TMEM117: variants seen among roughly 807,000 people sequenced by gnomAD.
TMEM117 encodes transmembrane protein 117.
Under a neutral mutation model 52.4 loss-of-function variants are expected in TMEM117, and 27 were observed. That is an observed-to-expected ratio of 0.51 (90% CI 0.38 to 0.71). The LOEUF is 0.71. Among genes scored for constraint, TMEM117 ranks in the 30% least tolerant of loss-of-function variants. TMEM117 has a pLI of 0.00. For synonymous variants in TMEM117, 215 were observed against 206.3 expected (o/e 1.04, Z -0.36); for missense variants, 556 against 630.5 (o/e 0.88, Z 1.26).
At chr12:43,869,589 T>C (rs570201825) in intron 2 of TMEM117, among the ~76,000 whole-genome samples, 1 of 152,354 alleles carries the variant, frequency 6.6e-6, no homozygotes, top group South Asian at 2.1e-4. Flanking sequence ...TGGCTTACTC[T>C]CATTTTCTCC....
At chr12:43,944,754 G>A (rs1461899309) in intron 3 of TMEM117, among the ~76,000 whole-genome samples, 1 of 152,072 alleles carries the variant, frequency 6.6e-6, no homozygotes, top group African/African-American at 2.4e-5. Flanking sequence ...GGTACAGGAG[G>A]CATTTTCTTT....
chr12:43,893,876 A>T (rs1366509972), intron 2 of TMEM117, among the ~76,000 whole-genome samples: 1 of 152,176 alleles, frequency 6.6e-6, no homozygotes, highest in Non-Finnish European at 1.5e-5. Context: ...GGACTAGAGG[A>T]TCAATTTTCA....
intron 3 of TMEM117, chr12:44,010,236 A>G (rs561966744): frequency 3.2e-5 from 15 of 472,424 alleles, no homozygotes; most frequent in African/African-American, 2.4e-4. Flanking sequence ...TTGGTACAAT[A>G]TCAATGAGTA....
intron 5 of TMEM117, among the ~76,000 whole-genome samples, chr12:44,262,622 G>A (rs1477174851): frequency 6.6e-6 from 1 of 152,150 alleles, no homozygotes; most frequent in East Asian, 1.9e-4. Flanking sequence ...GATTTTCATT[G>A]CATGAGGTTC....
chr12:43,814,738 CTTTTT>C, the TMEM117 span, among the ~76,000 whole-genome samples: 2 of 107,632 alleles, frequency 1.9e-5, no homozygotes, highest in African/African-American at 7.1e-5. Context: ...GGGTTTGAAT[CTTTTT>C]TTTTTTTTTT....
chr12:44,234,923 G>A lies in TMEM117; in HGVS notation c.608+23536G>A, dbSNP rs556879523. 4.6e-5 allele frequency among the ~76,000 whole-genome samples: 7 copies of A among 151,354 alleles called. No homozygotes were observed. The South Asian group carries it at 1.5e-3, about 31-fold the overall frequency. ...TTTAAAAATGTGTATTCTGTATTTT[G>A]GGAGTACATGTTTTCTATGTATCCA... On this transcript the variant is annotated intron_variant, in intron 5 of 7. Transcript: ENST00000266534.
intron 3 of TMEM117, among the ~76,000 whole-genome samples, chr12:44,068,849 A>G (rs1252561803): frequency 2.6e-5 from 4 of 152,238 alleles, no homozygotes; most frequent in Non-Finnish European, 5.9e-5. Context: ...TGAAAAACAC[A>G]GTATCTGTGT....
intron 5 of TMEM117, among the ~76,000 whole-genome samples, chr12:44,290,028 A>T (rs1356872941): frequency 6.6e-6 from 1 of 152,030 alleles, no homozygotes; most frequent in Non-Finnish European, 1.5e-5. Flanking sequence ...GTTTATTCAC[A>T]CCCCTTGCCC....
chr12:44,180,764 T>A (rs1949185506), intron 4 of TMEM117, among the ~76,000 whole-genome samples: 2 of 152,150 alleles, frequency 1.3e-5, no homozygotes, highest in Non-Finnish European at 2.9e-5. Context: ...GTTGGACATT[T>A]GGGTTGGTTC....
intron 3 of TMEM117, among the ~76,000 whole-genome samples, chr12:44,119,102 C>G (rs958641056): frequency 6.6e-6 from 1 of 152,222 alleles, no homozygotes; most frequent in African/African-American, 2.4e-5. Flanking sequence ...TTATGCTCCA[C>G]TTTGAATGCA....
At chr12:44,120,451 T>C (rs1948214883) in intron 3 of TMEM117, among the ~76,000 whole-genome samples, 1 of 152,160 alleles carries the variant, frequency 6.6e-6, no homozygotes, top group African/African-American at 2.4e-5. Flanking sequence ...CCTGTAGGCT[T>C]ATTCTTCTGC....
chr12:43,829,613 C>T, the TMEM117 span, among the ~76,000 whole-genome samples: 2 of 152,178 alleles, frequency 1.3e-5, no homozygotes, highest in African/African-American at 4.8e-5. Flanking sequence ...AGAAAAAGAT[C>T]ATTTGTTTTT....
At chr12:44,034,335 G>A (rs938382072) in intron 3 of TMEM117, among the ~76,000 whole-genome samples, 2 of 152,174 alleles carry the variant, frequency 1.3e-5, no homozygotes, top group South Asian at 2.1e-4. Flanking sequence ...GCAGTGAGGG[G>A]CTCTATCCTC....
intron 3 of TMEM117, among the ~76,000 whole-genome samples, chr12:44,128,949 C>T (rs1948370621): frequency 6.6e-6 from 1 of 152,166 alleles, no homozygotes; most frequent in African/African-American, 2.4e-5. Flanking sequence ...ATGCTTTGCC[C>T]AGTCCTATGT....
intron 3 of TMEM117, among the ~76,000 whole-genome samples, chr12:44,021,931 T>A (rs1565795513): frequency 6.6e-6 from 1 of 152,220 alleles, no homozygotes; most frequent in Non-Finnish European, 1.5e-5. Flanking sequence ...GTCTTGCCTT[T>A]TCTGTGGTCA....
At chr12:43,810,485 C>A in the TMEM117 span, among the ~76,000 whole-genome samples, 22 of 152,148 alleles carry the variant, frequency 1.4e-4, no homozygotes, top group Non-Finnish European at 2.1e-4. Context: ...CAACACAGGC[C>A]ACTCCAGACT....
intron 4 of TMEM117, among the ~76,000 whole-genome samples, chr12:44,144,007 C>T (rs1948607188): frequency 6.6e-6 from 1 of 152,156 alleles, no homozygotes; most frequent in Admixed American, 6.5e-5. Flanking sequence ...AAGGCATGTA[C>T]AATTTTCAGG....
chr12:44,062,344 G>GCAAC (rs963022233), intron 3 of TMEM117, among the ~76,000 whole-genome samples: 2 of 152,148 alleles, frequency 1.3e-5, no homozygotes, highest in African/African-American at 4.8e-5. Flanking sequence ...TTTGTAAGAG[G>GCAAC]CGGTTAGGTA....
At chr12:43,845,534 T>C (rs959138220) in intron 2 of TMEM117, among the ~76,000 whole-genome samples, 2 of 151,116 alleles carry the variant, frequency 1.3e-5, no homozygotes, top group Non-Finnish European at 2.9e-5. Flanking sequence ...TAAAAACTTT[T>C]TTTATTTTTA....
Sources: allele counts gnomAD v4.1 joint callset (sites outside exome capture counted in the v4.1 genomes callset), GRCh38; gene constraint gnomAD v4.1.1; transcripts MANE v1.5; gene names NCBI Gene and HGNC (gene_info 2026-07-23, HGNC 2026-07-21).